The following ITGB5 variants were observed in gnomAD, a reference collection of about 807,000 sequenced individuals.
ITGB5 encodes the protein integrin beta-5.
A neutral mutation model predicts 84.8 loss-of-function variants in ITGB5; 38 were observed. That is an observed-to-expected ratio of 0.45 (90% CI 0.35 to 0.59). The LOEUF is 0.59. Among genes scored for constraint, ITGB5 ranks in the 20% least tolerant of loss-of-function variants. The pLI, the probability that ITGB5 is intolerant of heterozygous loss-of-function variation, is 0.01. For missense variants in ITGB5, 905 were observed against 1,034.5 expected (o/e 0.87, Z 1.72); for synonymous variants, 393 against 414.4 (o/e 0.95, Z 0.63).
chr3:124,819,460 T>C (rs2064663335), intron 7 of ITGB5, among the ~76,000 whole-genome samples: 1 of 152,240 alleles, frequency 6.6e-6, no homozygotes, highest in Non-Finnish European at 1.5e-5. Flanking sequence ...TAGTAGAGTG[T>C]GCCTCTCTGT....
intron 8 of ITGB5, among the ~76,000 whole-genome samples, chr3:124,813,868 G>A (rs894050360): frequency 3.3e-5 from 5 of 152,082 alleles, no homozygotes; most frequent in Admixed American, 1.3e-4. Flanking sequence ...AGAGGTCATG[G>A]AGTGGGGCTG....
At position 124,805,151 on chromosome 3, in the gene ITGB5, T is replaced by C. The variant is rs563859469; in HGVS notation, c.1263+3871A>G. ...TCTCCCTTTCTCTCTCTCTCTCTCT[T>C]TCTTTCTTTCTGACAGGGTCTCACT... On this transcript the variant is annotated intron_variant, in intron 9 of 14. Coordinates refer to ENST00000296181, the MANE Select transcript of ITGB5 (RefSeq NM_002213.5). 1.3e-4 allele frequency among the ~76,000 whole-genome samples: 18 copies of C among 136,356 alleles called. No homozygotes were observed. The East Asian group carries it at 3.7e-3, about 28-fold the overall frequency. 89.5% of individuals were successfully genotyped at this position (136,356 alleles called of 152,430 possible).
At chr3:124,862,239 C>T (rs2065314172) in intron 2 of ITGB5, 1 of 152,456 alleles carries the variant, frequency 6.6e-6, no homozygotes, top group African/African-American at 2.4e-5. Context: ...CACAGCCCCA[C>T]CACCAGGGTG....
At chr3:124,862,309 G>A (rs1306318777) in intron 2 of ITGB5, 2 of 152,268 alleles carry the variant, frequency 1.3e-5, no homozygotes, top group African/African-American at 4.8e-5. Context: ...CTCTCTCACT[G>A]GTCTGGACCA....
At chr3:124,830,251 C>T (rs1288647598) in intron 5 of ITGB5, among the ~76,000 whole-genome samples, 1 of 152,208 alleles carries the variant, frequency 6.6e-6, no homozygotes, top group Non-Finnish European at 1.5e-5. Context: ...AGCTTCCATC[C>T]TTCTCTGCCC....
intron 1 of ITGB5, among the ~76,000 whole-genome samples, chr3:124,882,215 C>T (rs1934602935): frequency 6.6e-6 from 1 of 152,204 alleles, no homozygotes; most frequent in African/African-American, 2.4e-5. Context: ...ACCAACAAGA[C>T]TCCCTTATTC....
chr3:124,783,767 C>G (rs1376802943), intron 10 of ITGB5, among the ~76,000 whole-genome samples: 1 of 152,218 alleles, frequency 6.6e-6, no homozygotes, highest in Admixed American at 6.5e-5. Flanking sequence ...TCTGGAAGAA[C>G]ATGGTTGTGG....
At chr3:124,811,399 G>A (rs1472620461) in intron 8 of ITGB5, among the ~76,000 whole-genome samples, 2 of 152,146 alleles carry the variant, frequency 1.3e-5, no homozygotes, top group Non-Finnish European at 2.9e-5. Flanking sequence ...ATTTATAACC[G>A]TGAATAAGTA....
chr3:124,832,550 C>T (rs182665472), intron 5 of ITGB5, among the ~76,000 whole-genome samples: 23 of 152,306 alleles, frequency 1.5e-4, no homozygotes, highest in Non-Finnish European at 2.9e-5. Flanking sequence ...AAGCAAGAGA[C>T]CAGGATGACC....
intron 5 of ITGB5, among the ~76,000 whole-genome samples, chr3:124,829,413 C>T (rs532782938): frequency 9.6e-4 from 146 of 152,366 alleles, no homozygotes; most frequent in African/African-American, 3.4e-3. Context: ...CCGGTCAGGG[C>T]TGCGAGTCCT....
chr3:124,829,724 C>T (rs547746150), intron 5 of ITGB5, among the ~76,000 whole-genome samples: 5 of 152,286 alleles, frequency 3.3e-5, no homozygotes, highest in Admixed American at 1.3e-4. Context: ...CCCTGCAAAC[C>T]CCACCCTCTT....
chr3:124,880,094 G>A (rs1215331360), intron 1 of ITGB5, among the ~76,000 whole-genome samples: 2 of 152,064 alleles, frequency 1.3e-5, no homozygotes, highest in Non-Finnish European at 2.9e-5. Context: ...TCCCAAGAGG[G>A]GGATGATCTA....
intron 5 of ITGB5, among the ~76,000 whole-genome samples, chr3:124,830,436 G>A (rs2064844265): frequency 6.6e-6 from 1 of 152,184 alleles, no homozygotes; most frequent in Non-Finnish European, 1.5e-5. Flanking sequence ...CAAATACAGG[G>A]GCAGCTTAGA....
intron 11 of ITGB5, among the ~76,000 whole-genome samples, chr3:124,772,720 G>C (rs891292646): frequency 6.6e-6 from 1 of 152,190 alleles, no homozygotes; most frequent in Non-Finnish European, 1.5e-5. Context: ...GCAGGAGGAG[G>C]TCAGCACGGC....
At chr3:124,771,304 A>G (rs1417677813) in intron 11 of ITGB5, among the ~76,000 whole-genome samples, 1 of 152,204 alleles carries the variant, frequency 6.6e-6, no homozygotes, top group African/African-American at 2.4e-5. Context: ...GATGTAGGAC[A>G]TTCAAAACCT....
intron 11 of ITGB5, among the ~76,000 whole-genome samples, chr3:124,770,729 T>C (rs2063830176): frequency 6.6e-6 from 1 of 151,784 alleles, no homozygotes; most frequent in African/African-American, 2.4e-5. Context: ...GGCTACAAAA[T>C]CCCACTCTCC....
intron 9 of ITGB5, among the ~76,000 whole-genome samples, chr3:124,806,966 A>G (rs1225187478): frequency 6.6e-6 from 1 of 152,196 alleles, no homozygotes; most frequent in Admixed American, 6.5e-5. Flanking sequence ...AATTATTGCT[A>G]AACAAGACAG....
chr3:124,775,270 GTGTA>G (rs774266528), intron 10 of ITGB5, among the ~76,000 whole-genome samples: 2 of 151,364 alleles, frequency 1.3e-5, no homozygotes, highest in Admixed American at 6.6e-5. Context: ...AAGTATTTAA[GTGTA>G]TGTTTGTGAG....
intron 1 of ITGB5, among the ~76,000 whole-genome samples, chr3:124,883,148 T>C (rs1934655408): frequency 6.6e-6 from 1 of 152,184 alleles, no homozygotes; most frequent in South Asian, 2.1e-4. Flanking sequence ...GGGGCCCTAT[T>C]ATTTAAGTAG....
Sources: allele counts gnomAD v4.1 joint callset (sites outside exome capture counted in the v4.1 genomes callset), GRCh38; gene constraint gnomAD v4.1.1; transcripts MANE v1.5; gene names NCBI Gene and HGNC (gene_info 2026-07-23, HGNC 2026-07-21).